The following BMP3 variants were observed in gnomAD, a reference collection of about 807,000 sequenced individuals.
BMP3 encodes bone morphogenetic protein 3.
BMP3 carries 23 observed loss-of-function variants against 38.1 expected under a neutral mutation model. That is an observed-to-expected ratio of 0.60 (90% CI 0.43 to 0.86). The LOEUF (loss-of-function observed/expected upper bound fraction) is 0.86. BMP3 is among the 40% of genes least tolerant of loss of function. BMP3 has a pLI of 0.00. For synonymous variants in BMP3, 258 were observed against 225.7 expected, an observed-to-expected ratio of 1.14 and a Z score of -1.28; for missense variants, 628 against 579.6, an observed-to-expected ratio of 1.08 and a Z score of -0.86.
chr4:81,031,919 G>A (rs1165274795), intron 1 of BMP3, among the ~76,000 whole-genome samples: 1 of 152,102 alleles, frequency 6.6e-6, no homozygotes, highest in African/African-American at 2.4e-5. Context: ...CTCCTGCCCT[G>A]AGTGACTGGA....
chr4:81,046,626 C>T lies in BMP3; in HGVS notation c.1205C>T (p.Ala402Val). 1 of 1,611,666 alleles carries T rather than the reference C, an allele frequency of 6.2e-7. No individual in the cohort carries two copies. The highest frequency in any genetic ancestry group is 8.5e-7 in the Non-Finnish European group (1 of 1,178,592). ...KSFDAYYCSG[A>V]CQFPMPKSLK... ...TTTGATGCCTATTATTGCTCTGGAGCATGCCAGTTCCCCATGCCAAAGGTA... is the reference window on the plus strand; with the variant it reads ...TTTGATGCCTATTATTGCTCTGGAGTATGCCAGTTCCCCATGCCAAAGGTA... Residue 402 changes from alanine (A) to valine (V), a missense_variant, in exon 2 of 3, where the codon GCA becomes GTA. Ala to Val is a moderately conservative substitution (Grantham distance 64). Coordinates refer to ENST00000282701, the MANE Select transcript of BMP3 (RefSeq NM_001201.5).
Position 81,030,865 on chromosome 4 carries a change from G to T in BMP3, c.-420G>T, listed in dbSNP as rs1016929707. ...CCTCCGGACCGCTGCGCACAGCCCCGGCTCCGACCTGGCGCCCAAAACAGA... is the reference window on the plus strand; with the variant it reads ...CCTCCGGACCGCTGCGCACAGCCCCTGCTCCGACCTGGCGCCCAAAACAGA... On this transcript the variant is annotated 5_prime_UTR_variant, in exon 1 of 3. Coordinates refer to ENST00000282701, the MANE Select transcript of BMP3 (RefSeq NM_001201.5). 5 of 181,160 alleles carry T rather than the reference G, an allele frequency of 2.8e-5. No homozygotes were observed. The highest frequency in any genetic ancestry group is 1.2e-4 in the African/African-American group (5 of 41,830). The allele number at this position is 181,160 out of a possible 1,614,324, so 11.2% of individuals were successfully genotyped here. A position where few individuals can be genotyped will look rare whatever the true frequency, so the allele number is the denominator to read the frequency against.
At chr4:81,043,887 C>A (rs1246371863) in intron 1 of BMP3, among the ~76,000 whole-genome samples, 1 of 152,136 alleles carries the variant, frequency 6.6e-6, no homozygotes, top group African/African-American at 2.4e-5. Context: ...CTGCACCTGG[C>A]CTCATCCTAC....
At chr4:81,052,669 A>G (rs1483436852) in intron 2 of BMP3, among the ~76,000 whole-genome samples, 1 of 152,122 alleles carries the variant, frequency 6.6e-6, no homozygotes, top group Admixed American at 6.6e-5. Flanking sequence ...CCAGTGGCCA[A>G]TGGTGTGGTC....
At chr4:81,031,709 C>A in intron 1 of BMP3, 109 bp downstream of exon 1, 2 of 1,308,060 alleles carry the variant, frequency 1.5e-6, no homozygotes, top group Non-Finnish European at 2.0e-6. Context: ...GCCTAGGGAC[C>A]TTTCTCCGCC....
chr4:81,045,025 G>T (rs1740192400), intron 1 of BMP3, among the ~76,000 whole-genome samples: 1 of 152,126 alleles, frequency 6.6e-6, no homozygotes, highest in African/African-American at 2.4e-5. Context: ...ACTTTTTGAG[G>T]AACTGCCAAA....
chr4:81,048,934 G>A (rs1272959630), intron 2 of BMP3, among the ~76,000 whole-genome samples: 1 of 152,152 alleles, frequency 6.6e-6, no homozygotes, highest in Admixed American at 6.5e-5. Context: ...ATTGCACTTT[G>A]AGTAGCAAAA....
At chr4:81,041,664 A>G (rs571678979) in intron 1 of BMP3, among the ~76,000 whole-genome samples, 1 of 152,314 alleles carries the variant, frequency 6.6e-6, no homozygotes, top group African/African-American at 2.4e-5. Context: ...GAACTTCAAT[A>G]ACTAAGTTAA....
chr4:81,040,575 A>C (rs1740042539), intron 1 of BMP3, among the ~76,000 whole-genome samples: 1 of 152,232 alleles, frequency 6.6e-6, no homozygotes, highest in African/African-American at 2.4e-5. Context: ...ATTGGAAAAT[A>C]ATTCTCATAT....
intron 2 of BMP3, among the ~76,000 whole-genome samples, chr4:81,051,975 T>TTCTC (rs1740408655): frequency 6.6e-6 from 1 of 152,074 alleles, no homozygotes; most frequent in East Asian, 1.9e-4. Context: ...GATTTAACCT[T>TTCTC]TCTCTGCCAA....
chr4:81,053,092 A>C (rs949778844), intron 2 of BMP3, among the ~76,000 whole-genome samples: 3 of 152,170 alleles, frequency 2.0e-5, no homozygotes, highest in African/African-American at 7.2e-5. Flanking sequence ...TGTAAAATGT[A>C]AGAAATGTTA....
intron 1 of BMP3, among the ~76,000 whole-genome samples, chr4:81,035,933 C>T (rs1472825001): frequency 6.6e-6 from 1 of 151,894 alleles, no homozygotes; most frequent in Non-Finnish European, 1.5e-5. Context: ...AGTGGTTCAA[C>T]GGAACACTGT....
chr4:81,037,743 T>C (rs905635597), intron 1 of BMP3, among the ~76,000 whole-genome samples: 10 of 152,164 alleles, frequency 6.6e-5, no homozygotes, highest in Non-Finnish European at 1.5e-4. Flanking sequence ...GTGCAATCTA[T>C]GATATCCCAA....
chr4:81,040,944 A>G (rs1740056579), intron 1 of BMP3, among the ~76,000 whole-genome samples: 1 of 152,172 alleles, frequency 6.6e-6, no homozygotes, highest in Admixed American at 6.6e-5. Flanking sequence ...ATCATTCCCA[A>G]TAGATAAGTA....
intron 2 of BMP3, among the ~76,000 whole-genome samples, chr4:81,052,399 G>T (rs1436143132): frequency 1.3e-5 from 2 of 152,138 alleles, no homozygotes; most frequent in Non-Finnish European, 2.9e-5. Context: ...AAAAATGACT[G>T]TTCCTTTAGT....
rs143922787 is a variant in BMP3 at position 81,032,141 on chromosome 4, C to A, written c.316+541C>A. Reference sequence around the variant, plus strand: ...ATATTGCACCCGCTCCTAATTCGCGCCCTTTGTGTTACTGTACTATATTTG... The same window carrying A: ...ATATTGCACCCGCTCCTAATTCGCGACCTTTGTGTTACTGTACTATATTTG... On this transcript the variant is annotated intron_variant, in intron 1 of 2. Coordinates refer to ENST00000282701, the MANE Select transcript of BMP3 (RefSeq NM_001201.5). 7.2e-3 allele frequency among the ~76,000 whole-genome samples: 918 copies of A among 127,540 alleles called. 11 individuals carry two copies. Among genetic ancestry groups the A allele is most frequent in the African/African-American group, 0.024 (863 of 35,518 alleles). 83.7% of individuals were successfully genotyped at this position (127,540 alleles called of 152,430 possible).
intron 2 of BMP3, among the ~76,000 whole-genome samples, chr4:81,047,835 G>A (rs1331255622): frequency 6.6e-6 from 1 of 151,562 alleles, no homozygotes; most frequent in African/African-American, 2.4e-5. Flanking sequence ...AGCTACTCTG[G>A]AGGCTGAGGC....
rs1417905885 is a variant in BMP3, at chr4:81,031,618, G to C, written c.316+18G>C. The C allele has an allele frequency of 2.6e-6, 4 of 1,558,034 alleles. No homozygotes were observed. The South Asian group carries it at 3.6e-5, about 14-fold the overall frequency. On this transcript the variant is annotated intron_variant, in intron 1 of 2. Coordinates refer to ENST00000282701, the MANE Select transcript of BMP3 (RefSeq NM_001201.5). ...AGCAGCAGGTGAGTGCGCGAGGTGA[G>C]ACTCCCTTCCCGCGGTCCCGCCCCA...
chr4:81,032,191 T>C (rs1057400486), intron 1 of BMP3, among the ~76,000 whole-genome samples: 2 of 11,420 alleles, frequency 1.8e-4, no homozygotes, highest in East Asian at 2.3e-3. Context: ...AGTTCCTTAG[T>C]GGCAAAAAAA....
Sources: gnomAD v4.1 joint callset for allele counts (sites outside exome capture counted in the v4.1 genomes callset) on GRCh38, gnomAD v4.1.1 for gene constraint, MANE v1.5 for transcripts, NCBI Gene and HGNC (gene_info 2026-07-23, HGNC 2026-07-21) for gene names.